CDH18: variants seen among roughly 807,000 people sequenced by gnomAD.
CDH18 encodes the protein cadherin-18.
CDH18 carries 31 observed loss-of-function variants against 67.9 expected under a neutral mutation model. The ratio of observed to expected loss-of-function variants is 0.46; its 90% CI spans 0.34 to 0.62. CDH18 has a LOEUF of 0.62. Among genes scored for constraint, CDH18 ranks in the 20% least tolerant of loss-of-function variants. CDH18 has a pLI of 0.01. For synonymous variants in CDH18, 362 were observed against 347.2 expected (o/e 1.04, Z -0.48); for missense variants, 890 against 975.5 (o/e 0.91, Z 1.17).
At chr5:20,007,826 G>A (rs1737043880) in intron 2 of CDH18, among the ~76,000 whole-genome samples, 1 of 151,816 alleles carries the variant, frequency 6.6e-6, no homozygotes, top group Non-Finnish European at 1.5e-5. Context: ...GAAATATGAA[G>A]ATTATATAAA....
chr5:19,992,177 T>C (rs1800022915), upstream of CDH18, among the ~76,000 whole-genome samples: 1 of 152,134 alleles, frequency 6.6e-6, no homozygotes, highest in African/African-American at 2.4e-5. Flanking sequence ...GATCCATGTG[T>C]TCACTTTTTA....
chr5:20,224,162 A>G (rs1741432799), intron 2 of CDH18, among the ~76,000 whole-genome samples: 1 of 152,162 alleles, frequency 6.6e-6, no homozygotes, highest in Non-Finnish European at 1.5e-5. Context: ...TCTGAAATCT[A>G]GTTACTATTT....
intron 5 of CDH18, among the ~76,000 whole-genome samples, chr5:19,708,846 C>T (rs570095753): frequency 5.1e-4 from 77 of 152,034 alleles, no homozygotes; most frequent in African/African-American, 1.9e-3. Flanking sequence ...GGCTGTCAGC[C>T]CCCTGATTCC....
At chr5:19,774,452 A>AAAATAAAAT in intron 3 of CDH18, among the ~76,000 whole-genome samples, 1 of 11,566 alleles carries the variant, frequency 8.6e-5, no homozygotes, top group South Asian at 4.4e-3. Context: ...TAAAATAAAT[A>AAAATAAAAT]AATAAATCAT....
chr5:19,930,164 C>T (rs963848045), intron 2 of CDH18, among the ~76,000 whole-genome samples: 1 of 151,974 alleles, frequency 6.6e-6, no homozygotes, highest in Non-Finnish European at 1.5e-5. Flanking sequence ...ATGAAGAAAA[C>T]GGAACAAAGG....
intron 2 of CDH18, among the ~76,000 whole-genome samples, chr5:20,203,727 AAAC>A (rs1013238717): frequency 9.2e-5 from 14 of 152,240 alleles, no homozygotes; most frequent in East Asian, 1.9e-4. Context: ...CTTCCACAAG[AAAC>A]AACAACAATA....
intron 1 of CDH18, among the ~76,000 whole-genome samples, chr5:20,448,142 A>T (rs553833314): frequency 9.9e-5 from 15 of 151,910 alleles, no homozygotes; most frequent in Non-Finnish European, 1.8e-4. Context: ...GATTGAGAAC[A>T]TGCGGTGTTT....
At chr5:19,560,773 G>A (rs1052739694) in intron 8 of CDH18, among the ~76,000 whole-genome samples, 4 of 151,700 alleles carry the variant, frequency 2.6e-5, no homozygotes, top group Admixed American at 6.6e-5. Context: ...TCTGATAAAG[G>A]ACTAATATCC....
At chr5:20,142,317 T>A (rs185812588) in intron 2 of CDH18, among the ~76,000 whole-genome samples, 2 of 152,238 alleles carry the variant, frequency 1.3e-5, no homozygotes, top group East Asian at 3.9e-4. Flanking sequence ...TGGTGGTTCA[T>A]ACCTATAATC....
At chr5:19,497,963 A>C (rs1742622005) in intron 11 of CDH18, among the ~76,000 whole-genome samples, 1 of 152,168 alleles carries the variant, frequency 6.6e-6, no homozygotes, top group African/African-American at 2.4e-5. Flanking sequence ...TCAAAGACAA[A>C]GGATTTTTTA....
intron 7 of CDH18, among the ~76,000 whole-genome samples, chr5:19,575,077 C>T (rs1037133514): frequency 6.6e-6 from 1 of 151,988 alleles, no homozygotes; most frequent in Non-Finnish European, 1.5e-5. Flanking sequence ...ATCACTGATG[C>T]TCATACTTAA....
At chr5:20,375,905 T>G (rs1347379987) in intron 1 of CDH18, among the ~76,000 whole-genome samples, 1 of 151,794 alleles carries the variant, frequency 6.6e-6, no homozygotes, top group Non-Finnish European at 1.5e-5. Flanking sequence ...TCTATCAACA[T>G]CTATAACTAT....
In CDH18 at chr5:19,949,743, C is replaced by G. The variant is rs188655890; in HGVS notation, c.-257+31317G>C. Among the ~76,000 whole-genome samples the G allele has an allele frequency of 1.6e-3, 243 of 152,080 alleles. 1 individual carries two copies. Among genetic ancestry groups the G allele is most frequent in the African/African-American group, 5.6e-3 (234 of 41,524 alleles). On this transcript the variant is annotated intron_variant, in intron 2 of 12. Coordinates refer to ENST00000382275, the MANE Select transcript of CDH18 (RefSeq NM_004934.5). ...ATGTATTTGGCCAGTTTTGGCCTAC[C>G]ACCTGCTTCAAATTATAAAAGAAAA...
chr5:19,506,892 A>G (rs1423934372), intron 10 of CDH18, among the ~76,000 whole-genome samples: 3 of 152,224 alleles, frequency 2.0e-5, no homozygotes, highest in African/African-American at 7.2e-5. Context: ...ACAAAAGCCA[A>G]AATTGACAAA....
At chr5:19,591,725 A>G (rs1745169754) in intron 6 of CDH18, among the ~76,000 whole-genome samples, 1 of 152,118 alleles carries the variant, frequency 6.6e-6, no homozygotes, top group African/African-American at 2.4e-5. Context: ...AATTATTTTT[A>G]TCAAGAATAG....
In CDH18 at chr5:20,549,415, A is replaced by G. The variant is rs575089098; in HGVS notation, c.-580+26047T>C. ...ATTTTCCAGGTAATTGAATCAAAAT[A>G]TCTATCAGCTATTGCTCTAGAAGAA... is the stretch of plus-strand genomic sequence containing the variant. On this transcript the variant is annotated intron_variant, in intron 1 of 14. Transcript: ENST00000507958. Among the ~76,000 whole-genome samples, 27 of 152,260 alleles carry G rather than the reference A, an allele frequency of 1.8e-4. No individual in the cohort carries two copies. The South Asian group carries it at 4.1e-3, about 23-fold the overall frequency.
At chr5:20,298,218 G>C (rs1747690339) in intron 1 of CDH18, among the ~76,000 whole-genome samples, 1 of 152,040 alleles carries the variant, frequency 6.6e-6, no homozygotes, top group Non-Finnish European at 1.5e-5. Flanking sequence ...CCAGTAAATT[G>C]CATATAAAAA....
At chr5:19,817,029 TAAAC>T (rs955370971) in intron 3 of CDH18, among the ~76,000 whole-genome samples, 7 of 151,758 alleles carry the variant, frequency 4.6e-5, no homozygotes, top group African/African-American at 2.4e-5. Flanking sequence ...GCTGATAAGT[TAAAC>T]AGACTAGAAA....
At chr5:19,913,206 T>C (rs1791352091) in intron 2 of CDH18, among the ~76,000 whole-genome samples, 1 of 146,580 alleles carries the variant, frequency 6.8e-6, no homozygotes, top group South Asian at 2.2e-4. Context: ...TAAGAACCTC[T>C]AAAAACATGA....
Sources: allele counts gnomAD v4.1 joint callset (sites outside exome capture counted in the v4.1 genomes callset), GRCh38; gene constraint gnomAD v4.1.1; transcripts MANE v1.5; gene names NCBI Gene and HGNC (gene_info 2026-07-23, HGNC 2026-07-21).